The following CYP7B1 variants were observed in gnomAD, a reference collection of about 807,000 sequenced individuals.
CYP7B1 encodes cytochrome P450 7B1.
CYP7B1 carries 29 observed loss-of-function variants against 42.7 expected under a neutral mutation model. The observed-to-expected ratio is 0.68, with a 90% CI of 0.51 to 0.93. The LOEUF (loss-of-function observed/expected upper bound fraction) is 0.93. Among genes scored for constraint, CYP7B1 ranks in the 40% least tolerant of loss-of-function variants. CYP7B1 has a pLI of 0.00. For missense variants in CYP7B1, 655 were observed against 600.5 expected, an observed-to-expected ratio of 1.09 and a Z score of -0.95; for synonymous variants, 235 against 218.2, an observed-to-expected ratio of 1.08 and a Z score of -0.68.
chr8:64,658,267 G>T (rs1377830174), intron 1 of CYP7B1, among the ~76,000 whole-genome samples: 2 of 151,988 alleles, frequency 1.3e-5, no homozygotes, highest in Non-Finnish European at 2.9e-5. Context: ...ACCTCTAAAA[G>T]TTTTTTTCAA....
chr8:64,711,012 T>C (rs1478181531), intron 1 of CYP7B1, among the ~76,000 whole-genome samples: 8 of 152,170 alleles, frequency 5.3e-5, no homozygotes, highest in Non-Finnish European at 8.8e-5. Context: ...TCTACCATTA[T>C]AACAAACTGC....
intron 1 of CYP7B1, among the ~76,000 whole-genome samples, chr8:64,644,404 A>G (rs1005417648): frequency 2.0e-5 from 3 of 152,166 alleles, no homozygotes; most frequent in African/African-American, 7.2e-5. Context: ...AAGGTTTCCA[A>G]TTAACTTTTC....
intron 1 of CYP7B1, among the ~76,000 whole-genome samples, chr8:64,789,224 GGC>G (rs1294075260): frequency 6.6e-6 from 1 of 152,064 alleles, no homozygotes; most frequent in Non-Finnish European, 1.5e-5. Context: ...CACTGTGCCT[GGC>G]CATACACTCA....
At chr8:64,660,459 T>G (rs1485882992) in intron 1 of CYP7B1, among the ~76,000 whole-genome samples, 1 of 152,208 alleles carries the variant, frequency 6.6e-6, no homozygotes, top group African/African-American at 2.4e-5. Context: ...CAAGAGTTGG[T>G]TGAGGCTGCA....
chr8:64,689,860 G>A (rs1227536203), intron 1 of CYP7B1, among the ~76,000 whole-genome samples: 4 of 152,050 alleles, frequency 2.6e-5, no homozygotes, highest in African/African-American at 7.2e-5. Flanking sequence ...GAGCGACCAC[G>A]CCCGGCCTGC....
At position 64,722,772 on chromosome 8, in the gene CYP7B1, T is replaced by A. The variant is rs556667853; in HGVS notation, c.122+75694A>T. On this transcript the variant is annotated intron_variant, in intron 1 of 5. Transcript: ENST00000310193. ...GGGGGGGGGGCGGGAGGTTTTTTTT[T>A]ATTATTATTATTTTGCCTTAATCCT... 4.4e-3 allele frequency among the ~76,000 whole-genome samples: 642 copies of A among 144,708 alleles called. 21 individuals carry two copies. The highest frequency in any genetic ancestry group is 0.015 in the African/African-American group (578 of 38,234). 94.9% of individuals were successfully genotyped at this position (144,708 alleles called of 152,430 possible).
chr8:64,760,794 T>A (rs761282127), intron 1 of CYP7B1, among the ~76,000 whole-genome samples: 4 of 151,850 alleles, frequency 2.6e-5, no homozygotes, highest in Non-Finnish European at 4.4e-5. Context: ...AGTATGGAGG[T>A]TCCTAAAAAA....
intron 1 of CYP7B1, among the ~76,000 whole-genome samples, chr8:64,739,404 T>C (rs2129633249): frequency 6.6e-6 from 1 of 152,250 alleles, no homozygotes; most frequent in Admixed American, 6.5e-5. Flanking sequence ...AGGACAAAAG[T>C]GGAGACAAAA....
intron 1 of CYP7B1, among the ~76,000 whole-genome samples, chr8:64,780,442 T>C (rs55863909): frequency 0.31 from 47,374 of 151,986 alleles, 10,186 homozygotes; most frequent in African/African-American, 0.61. Flanking sequence ...AATCCTGTTA[T>C]GGGTGTACTT....
At chr8:64,683,802 CT>C (rs946253176) in intron 1 of CYP7B1, among the ~76,000 whole-genome samples, 18 of 150,092 alleles carry the variant, frequency 1.2e-4, no homozygotes, top group South Asian at 4.2e-4. Flanking sequence ...TTTAAAAATA[CT>C]TTTTTTTTTC....
chr8:64,624,396 T>C lies in CYP7B1; in HGVS notation c.259+7A>G. 6.2e-7 allele frequency: 1 copy of C among 1,613,266 alleles called. No individual in the cohort carries two copies. The highest frequency in any genetic ancestry group is 8.5e-7 in the Non-Finnish European group (1 of 1,179,682). ...ATATATAAGGTATTAATAGAAGTGC[T>C]TCTTACCACCAAGAAGAACTGTGAA... On this transcript the variant is annotated splice_region_variant and intron_variant, in intron 2 of 5. Transcript: ENST00000310193.
At chr8:64,700,802 T>C (rs761273464) in intron 1 of CYP7B1, among the ~76,000 whole-genome samples, 2 of 152,062 alleles carry the variant, frequency 1.3e-5, no homozygotes, top group Non-Finnish European at 2.9e-5. Context: ...TACCAGAATG[T>C]GACTGGAACA....
intron 5 of CYP7B1, among the ~76,000 whole-genome samples, chr8:64,600,931 C>A (rs547106008): frequency 2.6e-5 from 4 of 152,168 alleles, no homozygotes; most frequent in Admixed American, 6.5e-5. Context: ...GGGGAAGGGA[C>A]CTTTTTATTT....
chr8:64,599,972 G>C (rs942162386), intron 5 of CYP7B1, among the ~76,000 whole-genome samples: 1 of 152,170 alleles, frequency 6.6e-6, no homozygotes, highest in African/African-American at 2.4e-5. Context: ...ATTTATCTCT[G>C]CATGTTTAAA....
intron 1 of CYP7B1, among the ~76,000 whole-genome samples, chr8:64,630,271 A>T (rs920916383): frequency 5.9e-5 from 9 of 152,356 alleles, no homozygotes; most frequent in African/African-American, 2.2e-4. Flanking sequence ...ATCACCAGAA[A>T]TCAGGGCTCA....
intron 1 of CYP7B1, among the ~76,000 whole-genome samples, chr8:64,684,592 C>T (rs1014068293): frequency 6.6e-6 from 1 of 152,278 alleles, no homozygotes; most frequent in East Asian, 1.9e-4. Flanking sequence ...TATAAGGTCA[C>T]AATCAGCATT....
At chr8:64,791,506 T>C (rs192501130) in intron 1 of CYP7B1, among the ~76,000 whole-genome samples, 1 of 152,192 alleles carries the variant, frequency 6.6e-6, no homozygotes, top group East Asian at 1.9e-4. Flanking sequence ...GATTTAGAGA[T>C]GCCATGTTGC....
chr8:64,724,558 A>C (rs1807293766), intron 1 of CYP7B1, among the ~76,000 whole-genome samples: 1 of 152,226 alleles, frequency 6.6e-6, no homozygotes, highest in Non-Finnish European at 1.5e-5. Context: ...TAAAACAATA[A>C]AGTCATTTTC....
At chr8:64,743,560 C>T (rs193222057) in intron 1 of CYP7B1, among the ~76,000 whole-genome samples, 2 of 152,282 alleles carry the variant, frequency 1.3e-5, no homozygotes, top group Admixed American at 6.5e-5. Context: ...CTTCCAAGAA[C>T]TGGCTCCTTG....
Sources: gnomAD v4.1 joint callset for allele counts (sites outside exome capture counted in the v4.1 genomes callset) on GRCh38, gnomAD v4.1.1 for gene constraint, MANE v1.5 for transcripts, NCBI Gene and HGNC (gene_info 2026-07-23, HGNC 2026-07-21) for gene names.